STARD13: variants seen among roughly 807,000 people sequenced by gnomAD.
STARD13 encodes the protein stAR-related lipid transfer protein 13.
Under a neutral mutation model 106.4 loss-of-function variants are expected in STARD13, and 62 were observed. The ratio of observed to expected loss-of-function variants is 0.58; its 90% CI spans 0.48 to 0.72. The LOEUF (loss-of-function observed/expected upper bound fraction) is 0.72, where lower values mean the gene tolerates loss of function less well. Among genes scored for constraint, STARD13 ranks in the 30% least tolerant of loss-of-function variants. STARD13 has a pLI of 0.00. For missense variants in STARD13, 1,387 were observed against 1,424.0 expected, an observed-to-expected ratio of 0.97 and a Z score of 0.42; for synonymous variants, 565 against 553.0, an observed-to-expected ratio of 1.02 and a Z score of -0.31.
chr13:33,132,922 G>C (rs546385766), intron 4 of STARD13, among the ~76,000 whole-genome samples: 2 of 152,182 alleles, frequency 1.3e-5, no homozygotes, highest in Admixed American at 1.3e-4. Flanking sequence ...TGACATATGA[G>C]GGTCATTTAT....
rs1261134927 is a variant in STARD13, at chr13:33,292,402, G to T, written c.124+57888C>A. 5.3e-5 allele frequency among the ~76,000 whole-genome samples: 8 copies of T among 149,752 alleles called. 1 individual carries two copies. The highest frequency in any genetic ancestry group is 1.2e-4 in the Non-Finnish European group (8 of 67,684). On this transcript the variant is annotated intron_variant, in intron 1 of 5. Transcript: ENST00000567873. ...GCTCAGGAGTTTGAAACCAGCCTGG[G>T]CAACATGGCAAAAACCCATCTCTAC...
chr13:33,425,143 C>A, the STARD13 span, among the ~76,000 whole-genome samples: 2 of 152,166 alleles, frequency 1.3e-5, no homozygotes, highest in Admixed American at 6.5e-5. Context: ...AAAGGGAAAA[C>A]CATTCAAATG....
the STARD13 span, among the ~76,000 whole-genome samples, chr13:33,541,038 T>C: frequency 2.0e-5 from 3 of 152,308 alleles, no homozygotes; most frequent in Non-Finnish European, 4.4e-5. Context: ...AATGCCACTA[T>C]TTCTGAATAT....
At chr13:33,117,178 C>G (rs1875507394) in intron 8 of STARD13, among the ~76,000 whole-genome samples, 1 of 152,130 alleles carries the variant, frequency 6.6e-6, no homozygotes, top group South Asian at 2.1e-4. Context: ...GTGCAATCTC[C>G]ACTCACTGCA....
At chr13:33,159,218 C>T (rs1019782313) in intron 3 of STARD13, among the ~76,000 whole-genome samples, 1 of 152,130 alleles carries the variant, frequency 6.6e-6, no homozygotes, top group Non-Finnish European at 1.5e-5. Context: ...AGGTCATGTG[C>T]TCTACAAGAG....
At chr13:33,408,324 C>T in the STARD13 span, among the ~76,000 whole-genome samples, 2 of 152,148 alleles carry the variant, frequency 1.3e-5, no homozygotes, top group Non-Finnish European at 2.9e-5. Context: ...CCTCTCCCCT[C>T]CAGCCCCTGG....
intron 8 of STARD13, among the ~76,000 whole-genome samples, chr13:33,115,385 A>G (rs1875212560): frequency 6.6e-6 from 1 of 152,174 alleles, no homozygotes; most frequent in Admixed American, 6.5e-5. Flanking sequence ...CTTGATTAGT[A>G]TGCTGACTCC....
At chr13:33,313,972 T>C (rs2138508528) in intron 1 of STARD13, among the ~76,000 whole-genome samples, 1 of 152,328 alleles carries the variant, frequency 6.6e-6, no homozygotes, top group African/African-American at 2.4e-5. Context: ...ATTTTTGATA[T>C]GATAGTTAGG....
intron 1 of STARD13, chr13:33,275,541 G>T (rs1161496583): frequency 6.6e-6 from 1 of 152,144 alleles, no homozygotes; most frequent in Non-Finnish European, 1.5e-5. Flanking sequence ...CTCGTCCAAG[G>T]TCACTCTATG....
At chr13:33,464,617 AG>A in the STARD13 span, among the ~76,000 whole-genome samples, 6 of 152,108 alleles carry the variant, frequency 3.9e-5, no homozygotes, top group Admixed American at 6.5e-5. Context: ...TAGGAGGCCG[AG>A]GGGGGCAGAT....
At chr13:33,458,131 T>G in the STARD13 span, among the ~76,000 whole-genome samples, 1 of 151,698 alleles carries the variant, frequency 6.6e-6, no homozygotes, top group East Asian at 1.9e-4. Context: ...AAAGTAATTA[T>G]ATAAAAACAA....
At chr13:33,630,305 T>C in the STARD13 span, among the ~76,000 whole-genome samples, 1 of 152,104 alleles carries the variant, frequency 6.6e-6, no homozygotes, top group Non-Finnish European at 1.5e-5. Flanking sequence ...CCTCAGACAC[T>C]CCTTTCCCTC....
the STARD13 span, among the ~76,000 whole-genome samples, chr13:33,476,725 A>G: frequency 1.3e-5 from 2 of 152,246 alleles, no homozygotes; most frequent in Admixed American, 6.5e-5. Flanking sequence ...ACCAGTAGAC[A>G]CCAAATAACA....
the STARD13 span, among the ~76,000 whole-genome samples, chr13:33,460,796 C>A: frequency 6.6e-6 from 1 of 151,754 alleles, no homozygotes; most frequent in Non-Finnish European, 1.5e-5. Context: ...CTAAAATTGC[C>A]AGTTCTTATA....
intron 1 of STARD13, among the ~76,000 whole-genome samples, chr13:33,343,577 TAA>T (rs1292508834): frequency 2.7e-5 from 1 of 37,102 alleles, no homozygotes; most frequent in Non-Finnish European, 4.6e-5. Context: ...GACCCTGTCT[TAA>T]AAAAAAAAAA....
chr13:33,592,629 C>A, the STARD13 span, among the ~76,000 whole-genome samples: 2 of 152,118 alleles, frequency 1.3e-5, no homozygotes, highest in Non-Finnish European at 2.9e-5. Flanking sequence ...TAAAAAAAGT[C>A]TTTTATTTTA....
intron 1 of STARD13, among the ~76,000 whole-genome samples, chr13:33,252,759 G>A (rs1404466244): frequency 2.0e-5 from 3 of 152,164 alleles, no homozygotes; most frequent in African/African-American, 7.2e-5. Context: ...AGCAAGATTT[G>A]TATCTGAAAG....
At chr13:33,549,904 C>T in the STARD13 span, among the ~76,000 whole-genome samples, 2 of 152,130 alleles carry the variant, frequency 1.3e-5, no homozygotes, top group Non-Finnish European at 2.9e-5. Flanking sequence ...GTGTATTTGT[C>T]ACTGTATTCC....
intron 3 of STARD13, among the ~76,000 whole-genome samples, chr13:33,163,876 A>T (rs1176715438): frequency 6.6e-6 from 1 of 151,782 alleles, no homozygotes; most frequent in Non-Finnish European, 1.5e-5. Context: ...ATATGTGGTT[A>T]AAACTGAGAG....
Sources: gnomAD v4.1 joint callset for allele counts (sites outside exome capture counted in the v4.1 genomes callset) on GRCh38, gnomAD v4.1.1 for gene constraint, MANE v1.5 for transcripts, NCBI Gene and HGNC (gene_info 2026-07-23, HGNC 2026-07-21) for gene names.